The following SOCS4 variants were observed in gnomAD, a reference collection of about 807,000 sequenced individuals.
The protein encoded by SOCS4 is suppressor of cytokine signaling 4.
Under a neutral mutation model 34.1 loss-of-function variants are expected in SOCS4, and 20 were observed. That is an observed-to-expected ratio of 0.59 (90% CI 0.41 to 0.85). SOCS4 has a LOEUF of 0.85. Ranked by LOEUF, SOCS4 falls within the 40% of genes least tolerant of loss-of-function variation. SOCS4 has a pLI of 0.00. For synonymous variants in SOCS4, 180 were observed against 186.4 expected, an observed-to-expected ratio of 0.97 and a Z score of 0.28; for missense variants, 479 against 532.4, an observed-to-expected ratio of 0.90 and a Z score of 0.99.
rs2140252514 is a variant in SOCS4, at chr14:55,047,585, T to A, written c.*3221T>A. 6.0e-6 allele frequency: 1 copy of A among 167,210 alleles called. No homozygotes were observed. Among genetic ancestry groups the A allele is most frequent in the East Asian group, 1.9e-4 (1 of 5,186 alleles). The allele number at this position is 167,210 out of a possible 1,614,324, so 10.4% of individuals were successfully genotyped here. A position where few individuals can be genotyped will look rare whatever the true frequency, so the allele number is the denominator to read the frequency against. On this transcript the variant is annotated 3_prime_UTR_variant, in exon 3 of 3. Transcript: ENST00000555846. ...GTGGCTAGATTTATTGATTTGGTGATCAAACCTGTGCTATTTCCTGAATTT... is the reference window on the plus strand; with the variant it reads ...GTGGCTAGATTTATTGATTTGGTGAACAAACCTGTGCTATTTCCTGAATTT...
rs2042663188 is a variant in SOCS4, at chr14:55,045,135, C to CA, written c.*775dup. ...CAACCTGCAAGAGCTAAACCATCTTCAAAACATAAATCTTGTTCCTTTCTC... is the reference window on the plus strand; with the variant it reads ...CAACCTGCAAGAGCTAAACCATCTTCAAAAACATAAATCTTGTTCCTTTCTC... On this transcript the variant is annotated 3_prime_UTR_variant, in exon 3 of 3. Coordinates refer to ENST00000555846, the MANE Select transcript of SOCS4 (RefSeq NM_199421.2). The CA allele has an allele frequency of 6.0e-6, 1 of 166,970 alleles. No homozygotes were observed. The highest frequency in any genetic ancestry group is 2.4e-5 in the African/African-American group (1 of 41,444). The allele number at this position is 166,970 out of a possible 1,614,324, so 10.3% of individuals were successfully genotyped here. A position where few individuals can be genotyped will look rare whatever the true frequency, so the allele number is the denominator to read the frequency against.
intron 2 of SOCS4, among the ~76,000 whole-genome samples, chr14:55,032,749 T>C (rs992118163): frequency 2.2e-5 from 3 of 137,420 alleles, no homozygotes; most frequent in African/African-American, 9.0e-5. Flanking sequence ...CATGAAATTG[T>C]TGGTAAAGCC....
At chr14:55,039,578 T>G (rs1360191589) in intron 2 of SOCS4, among the ~76,000 whole-genome samples, 1 of 152,172 alleles carries the variant, frequency 6.6e-6, no homozygotes, top group Non-Finnish European at 1.5e-5. Flanking sequence ...AGGGCCTTGG[T>G]AAAGGTGAGA....
intron 2 of SOCS4, among the ~76,000 whole-genome samples, chr14:55,039,214 TC>T (rs1198926168): frequency 6.6e-6 from 1 of 152,206 alleles, no homozygotes; most frequent in Non-Finnish European, 1.5e-5. Flanking sequence ...CCCAGCACTT[TC>T]ACTTGAGCCT....
intron 1 of SOCS4, 190 bp downstream of exon 1, chr14:55,027,661 A>G (rs1364117305): frequency 6.6e-6 from 1 of 152,244 alleles, no homozygotes; most frequent in Non-Finnish European, 1.5e-5. Context: ...TAGAGCCTCT[A>G]ATCTTGGCAT....
At position 55,048,874 on chromosome 14, in the gene SOCS4, T is replaced by C. The variant is rs1324470277; in HGVS notation, c.*4510T>C. The stretch of plus-strand genomic sequence containing the variant: ...TGGGAGCGTACTTTAAAATAATTGC[T>C]GTACAGCCATTGAGTACTAACATGA... On this transcript the variant is annotated 3_prime_UTR_variant, in exon 3 of 3. Coordinates refer to ENST00000555846, the MANE Select transcript of SOCS4 (RefSeq NM_199421.2). The C allele has an allele frequency of 6.0e-6, 1 of 167,086 alleles. No individual in the cohort carries two copies. Among genetic ancestry groups the C allele is most frequent in the Non-Finnish European group, 1.5e-5 (1 of 68,128 alleles). The allele number at this position is 167,086 out of a possible 1,614,324, so 10.4% of individuals were successfully genotyped here. A position where few individuals can be genotyped will look rare whatever the true frequency, so the allele number is the denominator to read the frequency against.
chr14:55,049,128 T>C lies in SOCS4; in HGVS notation c.*4764T>C, dbSNP rs1293241093. ...CTTATTTTAAAAGTTGATTACGTTT[T>C]CAGAAAATAAAGATAATCACTTTTG... is the stretch of plus-strand genomic sequence containing the variant. On this transcript the variant is annotated 3_prime_UTR_variant, in exon 3 of 3. Transcript: ENST00000555846. The C allele has an allele frequency of 6.0e-6, 1 of 166,844 alleles. No homozygotes were observed. Among genetic ancestry groups the C allele is most frequent in the Non-Finnish European group, 1.5e-5 (1 of 68,112 alleles). 10.3% of individuals were successfully genotyped at this position (166,844 alleles called of 1,614,324 possible). A position where few individuals can be genotyped will look rare whatever the true frequency, so the allele number is the denominator to read the frequency against.
At position 55,045,456 on chromosome 14, in the gene SOCS4, T is replaced by G. The variant is rs2042666548; in HGVS notation, c.*1092T>G. 6.0e-6 allele frequency: 1 copy of G among 166,984 alleles called. No homozygotes were observed. Among genetic ancestry groups the G allele is most frequent in the African/African-American group, 2.4e-5 (1 of 41,452 alleles). The allele number at this position is 166,984 out of a possible 1,614,324, so 10.3% of individuals were successfully genotyped here. A position where few individuals can be genotyped will look rare whatever the true frequency, so the allele number is the denominator to read the frequency against. On this transcript the variant is annotated 3_prime_UTR_variant, in exon 3 of 3. Transcript: ENST00000555846. ...TCAGGAAGCTTAATACTGTTTTTGA[T>G]CTACAAGATCCAAATAATTATCCCT...
At chr14:55,029,904 C>G (rs2042513429) in intron 1 of SOCS4, among the ~76,000 whole-genome samples, 1 of 152,154 alleles carries the variant, frequency 6.6e-6, no homozygotes. Flanking sequence ...ATACTCCCAG[C>G]CATCCAGTTC....
rs2042704176 is a variant in SOCS4 at position 55,049,228 on chromosome 14, A to T, written c.*4864A>T. 6.0e-6 allele frequency: 1 copy of T among 167,074 alleles called. No homozygotes were observed. Among genetic ancestry groups the T allele is most frequent in the South Asian group, 2.1e-4 (1 of 4,834 alleles). The allele number at this position is 167,074 out of a possible 1,614,324, so 10.3% of individuals were successfully genotyped here. On this transcript the variant is annotated 3_prime_UTR_variant, in exon 3 of 3. Transcript: ENST00000555846. ...AAACTCAAGGAGGTTTATTTAAATT[A>T]TGCTGACTTTGCTAGAATTGGATAA...
intron 2 of SOCS4, among the ~76,000 whole-genome samples, chr14:55,040,240 A>G (rs1294055185): frequency 6.6e-6 from 1 of 152,226 alleles, no homozygotes; most frequent in African/African-American, 2.4e-5. Flanking sequence ...AAATGGTTAT[A>G]TATCATTGAG....
chr14:55,030,043 T>G (rs563437987), intron 1 of SOCS4, among the ~76,000 whole-genome samples: 1 of 152,260 alleles, frequency 6.6e-6, no homozygotes, highest in South Asian at 2.1e-4. Flanking sequence ...CTAGTCTTTA[T>G]CTAGTCACAC....
intron 2 of SOCS4, among the ~76,000 whole-genome samples, chr14:55,033,749 T>G (rs751484655): frequency 2.6e-5 from 4 of 152,350 alleles, no homozygotes; most frequent in Admixed American, 6.5e-5. Flanking sequence ...CCTTGCATGT[T>G]ATAAAACGTC....
In SOCS4 at chr14:55,046,127, G is replaced by C. The variant is rs1236036489; in HGVS notation, c.*1763G>C. The C allele has an allele frequency of 6.0e-6, 1 of 166,106 alleles. No individual in the cohort carries two copies. The highest frequency in any genetic ancestry group is 1.5e-5 in the Non-Finnish European group (1 of 67,956). 10.3% of individuals were successfully genotyped at this position (166,106 alleles called of 1,614,324 possible). A position where few individuals can be genotyped will look rare whatever the true frequency, so the allele number is the denominator to read the frequency against. ...AGCAGTGATGAGGCTCAGGATATCGGATATCATAACACCAATGTCAGGATA... is the reference window on the plus strand; with the variant it reads ...AGCAGTGATGAGGCTCAGGATATCGCATATCATAACACCAATGTCAGGATA... On this transcript the variant is annotated 3_prime_UTR_variant, in exon 3 of 3. Transcript: ENST00000555846.
At chr14:55,037,915 TTTG>T (rs2042587423) in intron 2 of SOCS4, among the ~76,000 whole-genome samples, 1 of 152,230 alleles carries the variant, frequency 6.6e-6, no homozygotes, top group Admixed American at 6.5e-5. Context: ...TTCTGTATAT[TTTG>T]TTATTTCATA....
At position 55,048,657 on chromosome 14, in the gene SOCS4, G is replaced by A. The variant is rs2042698685; in HGVS notation, c.*4293G>A. 2 of 167,104 alleles carry A rather than the reference G, an allele frequency of 1.2e-5. No individual in the cohort carries two copies. The highest frequency in any genetic ancestry group is 4.8e-5 in the African/African-American group (2 of 41,464). 10.4% of individuals were successfully genotyped at this position (167,104 alleles called of 1,614,324 possible). A position where few individuals can be genotyped will look rare whatever the true frequency, so the allele number is the denominator to read the frequency against. On this transcript the variant is annotated 3_prime_UTR_variant, in exon 3 of 3. Transcript: ENST00000555846. ...CTTTTTAAAATAGATTGGCTTGGAA[G>A]TTGAAATGTAGATTAATGGATATAA...
chr14:55,028,448 A>T (rs1336833844), intron 1 of SOCS4, among the ~76,000 whole-genome samples: 1 of 151,738 alleles, frequency 6.6e-6, no homozygotes, highest in Non-Finnish European at 1.5e-5. Context: ...TGTTTTTTGG[A>T]TAGACTGGCT....
rs2042690437 is a variant in SOCS4 at position 55,047,824 on chromosome 14, G to A, written c.*3460G>A. 1 of 167,086 alleles carries A rather than the reference G, an allele frequency of 6.0e-6. No individual in the cohort carries two copies. The highest frequency in any genetic ancestry group is 1.5e-5 in the Non-Finnish European group (1 of 68,120). 10.4% of individuals were successfully genotyped at this position (167,086 alleles called of 1,614,324 possible). A position where few individuals can be genotyped will look rare whatever the true frequency, so the allele number is the denominator to read the frequency against. ...TTTATTCATGAGCCAAAGCCATTAA[G>A]AAGATAAATCCAGTTATCAGCTTCC... is the stretch of plus-strand genomic sequence containing the variant. On this transcript the variant is annotated 3_prime_UTR_variant, in exon 3 of 3. Coordinates refer to ENST00000555846, the MANE Select transcript of SOCS4 (RefSeq NM_199421.2).
Position 55,045,355 on chromosome 14 carries a change from G to C in SOCS4, c.*991G>C, listed in dbSNP as rs1316754176. On this transcript the variant is annotated 3_prime_UTR_variant, in exon 3 of 3. Transcript: ENST00000555846. ...CCACAAATTTCCACTGGTAACCAAA[G>C]AGTACCTAAGTAGTTTTTCATTATT... 1 of 166,908 alleles carries C rather than the reference G, an allele frequency of 6.0e-6. No homozygotes were observed. Among genetic ancestry groups the C allele is most frequent in the Non-Finnish European group, 1.5e-5 (1 of 68,014 alleles). 10.3% of individuals were successfully genotyped at this position (166,908 alleles called of 1,614,324 possible).
Sources: gnomAD v4.1 joint callset for allele counts (sites outside exome capture counted in the v4.1 genomes callset) on GRCh38, gnomAD v4.1.1 for gene constraint, MANE v1.5 for transcripts, NCBI Gene and HGNC (gene_info 2026-07-23, HGNC 2026-07-21) for gene names.